Variants in LRIF1 observed in about 807,000 individuals in gnomAD.
LRIF1 encodes ligand-dependent nuclear receptor-interacting factor 1.
Under a neutral mutation model 52.7 loss-of-function variants are expected in LRIF1, and 32 were observed. The observed-to-expected ratio is 0.61, with a 90% CI of 0.46 to 0.82. The LOEUF is 0.82. Among genes scored for constraint, LRIF1 ranks in the 40% least tolerant of loss-of-function variants. The probability of loss-of-function intolerance (pLI) is 0.00; values close to 1 mark genes in which losing one functional copy is unlikely to be tolerated. For missense variants in LRIF1, 887 were observed against 892.0 expected (o/e 0.99, Z 0.07); for synonymous variants, 323 against 317.4 (o/e 1.02, Z -0.19).
the LRIF1 span, chr1:110,936,365 C>T: frequency 6.6e-6 from 1 of 152,018 alleles, no homozygotes; most frequent in Non-Finnish European, 1.5e-5. Context: ...GACCAATGAA[C>T]CAATCACAAA....
the LRIF1 span, among the ~76,000 whole-genome samples, chr1:110,917,763 G>A: frequency 6.6e-6 from 1 of 151,674 alleles, no homozygotes; most frequent in Admixed American, 6.6e-5. Flanking sequence ...CAGCTAAGGG[G>A]TGATATAGGT....
rs755009727 is a variant in LRIF1 at position 110,949,951 on chromosome 1, T to C, written c.1769A>G (p.His590Arg). ...ATCGAAACCTTCTCCAGAGGTCAAA[T>C]GGTCAGGAATTCGAGTAAGGCACAC... ...LRVCLTRIPD[H>R]LTSGEGFDSF... Residue 590 changes from histidine to arginine, a missense_variant, in exon 3 of 4, where the codon CAT (histidine) becomes CGT (arginine). Coordinates refer to ENST00000369763, the MANE Select transcript of LRIF1 (RefSeq NM_018372.4). 2.2e-5 allele frequency: 35 copies of C among 1,613,952 alleles called. No homozygotes were observed. In the South Asian group the frequency reaches 3.6e-4, roughly 17 times the overall value.
chr1:110,878,011 G>A, the LRIF1 span, among the ~76,000 whole-genome samples: 98 of 152,288 alleles, frequency 6.4e-4, no homozygotes, highest in African/African-American at 2.2e-3. Flanking sequence ...AGCCTGGGAC[G>A]GTGGAAAGAG....
At chr1:110,958,532 T>C (rs1658811394) in intron 1 of LRIF1, among the ~76,000 whole-genome samples, 1 of 152,158 alleles carries the variant, frequency 6.6e-6, no homozygotes, top group Non-Finnish European at 1.5e-5. Context: ...TTTGCAAATA[T>C]CCTTCCAATA....
the LRIF1 span, among the ~76,000 whole-genome samples, chr1:110,895,486 G>A: frequency 6.6e-6 from 1 of 152,112 alleles, no homozygotes; most frequent in African/African-American, 2.4e-5. Flanking sequence ...ACGTGTATAT[G>A]TACAGCATAT....
At chr1:110,896,277 G>T in the LRIF1 span, among the ~76,000 whole-genome samples, 2 of 152,188 alleles carry the variant, frequency 1.3e-5, no homozygotes, top group Non-Finnish European at 2.9e-5. Flanking sequence ...TGCCATAGCT[G>T]TCACTTCCTG....
At chr1:110,959,696 G>A (rs1054978519) in intron 1 of LRIF1, among the ~76,000 whole-genome samples, 3 of 133,326 alleles carry the variant, frequency 2.3e-5, no homozygotes, top group Non-Finnish European at 4.6e-5. Flanking sequence ...GTTGCAGCGA[G>A]CCACTGCACT....
At chr1:110,961,266 T>C (rs1374980603) in intron 1 of LRIF1, among the ~76,000 whole-genome samples, 2 of 152,194 alleles carry the variant, frequency 1.3e-5, no homozygotes, top group Non-Finnish European at 2.9e-5. Context: ...CATATCCTAT[T>C]ATTAATCAGT....
At position 110,949,283 on chromosome 1, in the gene LRIF1, T is replaced by C. The variant is rs138805176; in HGVS notation, c.1869+568A>G. ...ACAGGTGCGTGCTACCTCACCCAGC[T>C]AATTTTTTGTATTTTTAGTAGAGAC... On this transcript the variant is annotated intron_variant, in intron 3 of 3. Coordinates refer to ENST00000369763, the MANE Select transcript of LRIF1 (RefSeq NM_018372.4). Among the ~76,000 whole-genome samples the C allele has an allele frequency of 5.9e-5, 9 of 152,024 alleles. No homozygotes were observed. The East Asian group carries it at 1.7e-3, about 29-fold the overall frequency.
At chr1:110,927,087 T>C in the LRIF1 span, among the ~76,000 whole-genome samples, 1 of 152,202 alleles carries the variant, frequency 6.6e-6, no homozygotes, top group South Asian at 2.1e-4. Context: ...ATTCACACTA[T>C]ACACATAAAA....
In LRIF1 at chr1:110,952,543, G is replaced by GTA; in HGVS notation, c.339_340dup (p.Thr114IlefsTer28). ...AGAAGTAACTCTACCTTTTTCTGAT[G>GTA]TATCTACTGTTCTTGTAAGAAAATA... On this transcript the variant is annotated frameshift_variant, in exon 2 of 4. Transcript: ENST00000369763. LOFTEE classifies it high-confidence loss of function. The GTA allele has an allele frequency of 6.2e-7, 1 of 1,613,966 alleles. No homozygotes were observed. Among genetic ancestry groups the GTA allele is most frequent in the Non-Finnish European group, 8.5e-7 (1 of 1,179,858 alleles).
the LRIF1 span, chr1:110,880,160 T>C: frequency 1.3e-5 from 2 of 152,178 alleles, no homozygotes; most frequent in East Asian, 3.9e-4. Flanking sequence ...GTCATGCATC[T>C]AAGAGTCATA....
chr1:110,942,602 G>A (rs1400063576), downstream of LRIF1, among the ~76,000 whole-genome samples: 1 of 152,096 alleles, frequency 6.6e-6, no homozygotes, highest in East Asian at 1.9e-4. Context: ...AGCAATGGTC[G>A]GATTCCAGGT....
At chr1:110,894,224 A>G in the LRIF1 span, 2 of 922,794 alleles carry the variant, frequency 2.2e-6, no homozygotes, top group Admixed American at 3.8e-5. Flanking sequence ...CAGAACAGGA[A>G]CACCCTGTAC....
At chr1:110,903,194 G>A in the LRIF1 span, among the ~76,000 whole-genome samples, 4 of 152,170 alleles carry the variant, frequency 2.6e-5, no homozygotes, top group African/African-American at 9.7e-5. Context: ...GGCAGTCTAG[G>A]CCATAAGGAT....
At chr1:110,921,629 A>C in the LRIF1 span, among the ~76,000 whole-genome samples, 20 of 152,340 alleles carry the variant, frequency 1.3e-4, no homozygotes, top group African/African-American at 4.8e-4. Context: ...TATATGTCAA[A>C]TTATATAGTC....
the LRIF1 span, among the ~76,000 whole-genome samples, chr1:110,915,487 CAAAA>C: frequency 0.1 from 8,455 of 81,762 alleles, 288 homozygotes; most frequent in East Asian, 0.29. Context: ...GACTCCGTCT[CAAAA>C]AATAAATAAA....
the LRIF1 span, chr1:110,894,480 C>A: frequency 9.3e-7 from 1 of 1,071,500 alleles, no homozygotes; most frequent in Non-Finnish European, 1.5e-6. Context: ...TACAAAGTTA[C>A]AGAATAAGTT....
At chr1:110,956,685 G>T (rs545020072) in intron 1 of LRIF1, among the ~76,000 whole-genome samples, 33 of 152,158 alleles carry the variant, frequency 2.2e-4, no homozygotes, top group Non-Finnish European at 4.1e-4. Flanking sequence ...TGGGGGAAAA[G>T]ATCTCTGTAA....
Sources: allele counts gnomAD v4.1 joint callset (sites outside exome capture counted in the v4.1 genomes callset), GRCh38; gene constraint gnomAD v4.1.1; transcripts MANE v1.5; gene names NCBI Gene and HGNC (gene_info 2026-07-23, HGNC 2026-07-21).